TTLL5: variants seen among roughly 807,000 people sequenced by gnomAD.
The protein encoded by TTLL5 is tubulin tyrosine ligase like 5, also known as tubulin polyglutamylase TTLL5.
TTLL5 carries 132 observed loss-of-function variants against 168.4 expected under a neutral mutation model. The ratio of observed to expected loss-of-function variants is 0.78; its 90% CI spans 0.68 to 0.91. The LOEUF (loss-of-function observed/expected upper bound fraction) is 0.91, where lower values mean the gene tolerates loss of function less well. Among genes scored for constraint, TTLL5 ranks in the 40% least tolerant of loss-of-function variants. The pLI is 0.00. For missense variants in TTLL5, 1,545 were observed against 1,581.5 expected (o/e 0.98, Z 0.39); for synonymous variants, 546 against 558.6 (o/e 0.98, Z 0.32).
At chr14:75,736,603 T>C (rs1012852533) in intron 15 of TTLL5, among the ~76,000 whole-genome samples, 15 of 152,192 alleles carry the variant, frequency 9.9e-5, no homozygotes, top group African/African-American at 1.9e-4. Context: ...CCAGGTGTTA[T>C]GAGATCTTGC....
chr14:75,914,914 T>C (rs550716197), intron 31 of TTLL5, among the ~76,000 whole-genome samples: 15 of 152,310 alleles, frequency 9.8e-5, no homozygotes, highest in East Asian at 5.8e-4. Context: ...TGAGCCACTG[T>C]GCCCGGCCGA....
At chr14:75,773,963 G>GAGAA (rs1566598226) in intron 21 of TTLL5, among the ~76,000 whole-genome samples, 29 of 69,476 alleles carry the variant, frequency 4.2e-4, no homozygotes, top group African/African-American at 5.9e-4. Flanking sequence ...GAGAAAGAGA[G>GAGAA]AGAGAGAGAG....
At chr14:75,875,846 G>C (rs1307974787) in intron 29 of TTLL5, among the ~76,000 whole-genome samples, 1 of 152,206 alleles carries the variant, frequency 6.6e-6, no homozygotes, top group Non-Finnish European at 1.5e-5. Flanking sequence ...GTTTGTATAT[G>C]CATAGAAAAA....
chr14:75,827,900 T>G (rs935119878), intron 28 of TTLL5, among the ~76,000 whole-genome samples: 3 of 151,582 alleles, frequency 2.0e-5, no homozygotes, highest in African/African-American at 7.3e-5. Context: ...GTATTTTTTG[T>G]AGAGAGGGGG....
intron 18 of TTLL5, chr14:75,757,938 A>C (rs2140284058): frequency 7.4e-7 from 1 of 1,350,802 alleles, no homozygotes; most frequent in South Asian, 1.9e-5. Flanking sequence ...CAGACTAAGC[A>C]TAATACCTTA....
intron 31 of TTLL5, among the ~76,000 whole-genome samples, chr14:75,950,576 G>A (rs1180516066): frequency 6.6e-6 from 1 of 152,206 alleles, no homozygotes; most frequent in Non-Finnish European, 1.5e-5. Flanking sequence ...TGAAACAAAT[G>A]GTACGATGCC....
chr14:75,907,310 T>G (rs2033184995), intron 31 of TTLL5, among the ~76,000 whole-genome samples: 2 of 152,234 alleles, frequency 1.3e-5, no homozygotes, highest in Non-Finnish European at 2.9e-5. Flanking sequence ...TTTGTGAAGC[T>G]GTTTCCACAC....
chr14:75,671,034 T>C (rs1434066269), intron 3 of TTLL5, among the ~76,000 whole-genome samples: 1 of 152,212 alleles, frequency 6.6e-6, no homozygotes, highest in Non-Finnish European at 1.5e-5. Context: ...TAAGCTCTTA[T>C]ATTTAGGGCT....
In TTLL5 at chr14:75,783,344, A is replaced by G. The variant is rs750728848; in HGVS notation, c.2800A>G (p.Ile934Val). 2.4e-5 allele frequency: 39 copies of G among 1,614,058 alleles called. No individual in the cohort carries two copies. Among genetic ancestry groups the G allele is most frequent in the East Asian group, 4.5e-5 (2 of 44,888 alleles). The change falls in exon 26 of 32, where the codon ATT becomes GTT. Residue 934 changes from isoleucine to valine, a missense_variant. By Grantham distance (29) the Ile-to-Val change is conservative (BLOSUM62 3). Transcript: ENST00000298832. The stretch of plus-strand genomic sequence containing the variant: ...CCCCAGCATGCCTCACCAGCCAACA[A>G]TTTTACTGAACACAGTCTCTGCCAG... Reference protein sequence around the residue: ...AIPSMPHQPTILLNTVSASAS... With the variant: ...AIPSMPHQPTVLLNTVSASAS...
At chr14:75,700,709 T>C (rs1416040487) in intron 7 of TTLL5, among the ~76,000 whole-genome samples, 2 of 152,310 alleles carry the variant, frequency 1.3e-5, no homozygotes, top group East Asian at 3.9e-4. Flanking sequence ...TCTAAAACTT[T>C]TCAATAAATG....
At chr14:75,777,035 C>T (rs1447046229) in intron 23 of TTLL5, among the ~76,000 whole-genome samples, 185 bp downstream of exon 23, 1 of 152,114 alleles carries the variant, frequency 6.6e-6, no homozygotes, top group East Asian at 1.9e-4. Flanking sequence ...TTGCTTGAGC[C>T]CAGGAATTCG....
At chr14:75,692,522 A>C (rs1885537072) in intron 6 of TTLL5, among the ~76,000 whole-genome samples, 1 of 152,180 alleles carries the variant, frequency 6.6e-6, no homozygotes, top group Non-Finnish European at 1.5e-5. Context: ...AAGGAAAGGG[A>C]CACCATAAAC....
intron 30 of TTLL5, among the ~76,000 whole-genome samples, chr14:75,898,146 C>T (rs2032756763): frequency 6.6e-6 from 1 of 152,222 alleles, no homozygotes. Flanking sequence ...GATAATGGAA[C>T]TGTATCACAC....
intron 29 of TTLL5, among the ~76,000 whole-genome samples, chr14:75,879,225 A>G (rs2031669019): frequency 6.6e-6 from 1 of 152,252 alleles, no homozygotes; most frequent in African/African-American, 2.4e-5. Flanking sequence ...CTAAGCATTC[A>G]GAAGAGGAAA....
chr14:75,817,830 C>G (rs371592257), intron 27 of TTLL5, among the ~76,000 whole-genome samples: 1 of 83,860 alleles, frequency 1.2e-5, no homozygotes, highest in African/African-American at 5.1e-5. Context: ...CTTTTCTTTT[C>G]TTTTTTTTTT....
At chr14:75,761,120 T>G (rs1025879669) in intron 18 of TTLL5, among the ~76,000 whole-genome samples, 1 of 152,102 alleles carries the variant, frequency 6.6e-6, no homozygotes, top group Non-Finnish European at 1.5e-5. Flanking sequence ...GTAGCCAATA[T>G]GCTTATGAAA....
intron 7 of TTLL5, among the ~76,000 whole-genome samples, chr14:75,703,284 C>T (rs1886414064): frequency 1.3e-5 from 2 of 152,228 alleles, no homozygotes; most frequent in African/African-American, 4.8e-5. Flanking sequence ...GGGCCACTTA[C>T]TAAAACTTCC....
intron 27 of TTLL5, chr14:75,818,492 C>CTT (rs745540720): frequency 4.4e-3 from 1,506 of 340,230 alleles, no homozygotes; most frequent in South Asian, 8.6e-3. Flanking sequence ...CTTTTCTTTT[C>CTT]TTTTTTTTTT....
At chr14:75,782,997 T>C (rs759280184) in intron 25 of TTLL5, 150 bp from the exon 26 acceptor site, 7 of 923,484 alleles carry the variant, frequency 7.6e-6, no homozygotes, top group Non-Finnish European at 9.4e-6. Flanking sequence ...ATTAAGTTTA[T>C]GATGAACACT....
Sources: allele counts gnomAD v4.1 joint callset (sites outside exome capture counted in the v4.1 genomes callset), GRCh38; gene constraint gnomAD v4.1.1; transcripts MANE v1.5; gene names NCBI Gene and HGNC (gene_info 2026-07-23, HGNC 2026-07-21).